Variants in BIVM observed in about 807,000 individuals in gnomAD.
BIVM encodes the protein basic, immunoglobulin-like variable motif containing.
A neutral mutation model predicts 61.4 loss-of-function variants in BIVM; 31 were observed. That is an observed-to-expected ratio of 0.51 (90% CI 0.38 to 0.68). The LOEUF is 0.68. BIVM is among the 30% of genes least tolerant of loss of function. The probability of loss-of-function intolerance (pLI) is 0.00; values close to 1 mark genes in which losing one functional copy is unlikely to be tolerated. For synonymous variants in BIVM, 189 were observed against 210.7 expected (o/e 0.90, Z 0.89); for missense variants, 526 against 596.0 (o/e 0.88, Z 1.22).
intron 3 of BIVM, among the ~76,000 whole-genome samples, chr13:102,815,370 A>C (rs1879795947): frequency 6.6e-6 from 1 of 152,178 alleles, no homozygotes; most frequent in African/African-American, 2.4e-5. Flanking sequence ...TATGTGTGAA[A>C]TATTAAAGTA....
At chr13:102,813,304 G>C (rs1030025459) in intron 3 of BIVM, among the ~76,000 whole-genome samples, 2 of 151,978 alleles carry the variant, frequency 1.3e-5, no homozygotes, top group African/African-American at 4.8e-5. Flanking sequence ...AATATATTTC[G>C]TTATTCCTGG....
chr13:102,821,377 T>G (rs1032312837), intron 5 of BIVM, among the ~76,000 whole-genome samples: 7 of 152,064 alleles, frequency 4.6e-5, no homozygotes, highest in African/African-American at 1.4e-4. Context: ...GAGTATTGCT[T>G]GAAGCCAAGG....
chr13:102,829,174 A>G (rs74625347), intron 7 of BIVM, among the ~76,000 whole-genome samples: 6,883 of 152,256 alleles, frequency 0.045, 170 homozygotes, highest in Middle Eastern at 0.071. Flanking sequence ...GCATTCCTCT[A>G]TAGATGATCA....
chr13:102,831,426 GCTT>G, intron 7 of BIVM, 136 bp from the exon 8 acceptor site: 4 of 1,325,706 alleles, frequency 3.0e-6, no homozygotes, highest in Non-Finnish European at 3.0e-6. Flanking sequence ...CCTATCAATA[GCTT>G]CTTGTTTTTC....
intron 3 of BIVM, among the ~76,000 whole-genome samples, chr13:102,810,074 T>C (rs1349191714): frequency 6.6e-6 from 1 of 152,162 alleles, no homozygotes; most frequent in African/African-American, 2.4e-5. Flanking sequence ...CGCCCAGCCC[T>C]TCTTTTCATC....
intron 8 of BIVM, 149 bp downstream of exon 8, chr13:102,831,846 G>A (rs1209975248): frequency 9.9e-6 from 6 of 608,190 alleles, no homozygotes; most frequent in South Asian, 4.2e-5. Context: ...TGGCTAACAC[G>A]GTGAAACCCC....
At chr13:102,825,138 G>A (rs1880583126) in intron 7 of BIVM, among the ~76,000 whole-genome samples, 1 of 151,974 alleles carries the variant, frequency 6.6e-6, no homozygotes, top group Non-Finnish European at 1.5e-5. Context: ...GTAGAGATGG[G>A]GTTTCACCAT....
rs1047954671 is a variant in BIVM at position 102,807,225 on chromosome 13, T to C, written c.-43T>C. On this transcript the variant is annotated 5_prime_UTR_variant, in exon 3 of 11. Transcript: ENST00000257336. This position sits in a 1 kb window ranked among gnomAD's most constrained non-coding sequence, Gnocchi z 4.0. ...GTTGTTTATCAAGAAACAGATAGAG[T>C]TGCAACTTGTTTCTAGTAATAGAAA... 1 of 1,533,330 alleles carries C rather than the reference T, an allele frequency of 6.5e-7. No homozygotes were observed. The highest frequency in any genetic ancestry group is 8.8e-7 in the Non-Finnish European group (1 of 1,140,582). 95.0% of individuals were successfully genotyped at this position (1,533,330 alleles called of 1,614,324 possible).
intron 7 of BIVM, among the ~76,000 whole-genome samples, chr13:102,826,162 T>C (rs1204417459): frequency 6.6e-6 from 1 of 152,178 alleles, no homozygotes; most frequent in African/African-American, 2.4e-5. Context: ...GCAAGAGCTC[T>C]CTCTTGTGAT....
At chr13:102,834,062 G>C (rs1339402188) in intron 8 of BIVM, among the ~76,000 whole-genome samples, 1 of 152,092 alleles carries the variant, frequency 6.6e-6, no homozygotes, top group Non-Finnish European at 1.5e-5. Flanking sequence ...GAATGTCCAG[G>C]GATGGGTTTA....
intron 5 of BIVM, among the ~76,000 whole-genome samples, 176 bp downstream of exon 5, chr13:102,821,308 A>T (rs1880259818): frequency 6.6e-6 from 1 of 152,206 alleles, no homozygotes; most frequent in Non-Finnish European, 1.5e-5. Flanking sequence ...GTGAAATAAA[A>T]ATGGGCTGGG....
At chr13:102,837,951 T>C (rs1442525874) in intron 9 of BIVM, among the ~76,000 whole-genome samples, 2 of 152,192 alleles carry the variant, frequency 1.3e-5, no homozygotes, top group Non-Finnish European at 2.9e-5. Flanking sequence ...GGATTCAGTG[T>C]ACACTGCTTG....
Position 102,806,655 on chromosome 13 carries a change from A to G in BIVM, c.-122-491A>G, listed in dbSNP as rs564735488. Reference sequence around the variant, plus strand: ...GCCGGGCATGGTGGCTCACATCTGTAATTCCAGCACTTTGGGAGGCAGAGG... The same window carrying G: ...GCCGGGCATGGTGGCTCACATCTGTGATTCCAGCACTTTGGGAGGCAGAGG... On this transcript the variant is annotated intron_variant, in intron 2 of 10. Transcript: ENST00000257336. Among the ~76,000 whole-genome samples the G allele has an allele frequency of 5.3e-5, 8 of 152,276 alleles. No homozygotes were observed. The South Asian group carries it at 1.7e-3, about 32-fold the overall frequency.
intron 3 of BIVM, among the ~76,000 whole-genome samples, chr13:102,808,438 A>G (rs905188249): frequency 6.6e-6 from 1 of 152,196 alleles, no homozygotes; most frequent in Non-Finnish European, 1.5e-5. Context: ...TAATAAGAGG[A>G]GGTCAAACTA....
intron 7 of BIVM, among the ~76,000 whole-genome samples, chr13:102,824,006 T>C (rs1019026085): frequency 2.0e-5 from 3 of 152,250 alleles, no homozygotes; most frequent in African/African-American, 7.2e-5. Flanking sequence ...CATTGTCTTT[T>C]ATAGTTCTTG....
intron 7 of BIVM, among the ~76,000 whole-genome samples, chr13:102,828,475 G>T (rs1419143496): frequency 6.6e-6 from 1 of 152,170 alleles, no homozygotes; most frequent in Non-Finnish European, 1.5e-5. Flanking sequence ...GCTTCACCAT[G>T]ATTGTTGTTA....
chr13:102,821,957 C>A, intron 6 of BIVM, 108 bp from the exon 7 acceptor site: 1 of 1,528,166 alleles, frequency 6.5e-7, no homozygotes, highest in Non-Finnish European at 9.0e-7. Flanking sequence ...GCTTCAACCT[C>A]TCATAGGTAT....
rs1052590510 is a variant in BIVM, at chr13:102,820,989, A to G, written c.606-48A>G. 5.2e-6 allele frequency: 8 copies of G among 1,547,226 alleles called. No individual in the cohort carries two copies. In the Admixed American group the frequency reaches 1.3e-4, roughly 24 times the overall value. On this transcript the variant is annotated intron_variant, in intron 4 of 10. Transcript: ENST00000257336. The stretch of plus-strand genomic sequence containing the variant: ...CATGAGTTTTCTATTTCTAGCATGC[A>G]TATTTTGTGTTCATTCAAGTGAAGA...
intron 7 of BIVM, among the ~76,000 whole-genome samples, chr13:102,824,145 C>T (rs1367577251): frequency 6.6e-6 from 1 of 152,118 alleles, no homozygotes; most frequent in African/African-American, 2.4e-5. Flanking sequence ...TATAAAATGT[C>T]TGCCAATGAC....
Sources: allele counts gnomAD v4.1 joint callset (sites outside exome capture counted in the v4.1 genomes callset), GRCh38; gene constraint gnomAD v4.1.1; non-coding constraint Gnocchi (gnomAD v3.1); transcripts MANE v1.5; gene names NCBI Gene and HGNC (gene_info 2026-07-23, HGNC 2026-07-21).